CNTN1: variants seen among roughly 807,000 people sequenced by gnomAD.
CNTN1 encodes contactin 1, also known as contactin-1.
In CNTN1, 38 loss-of-function variants were observed where a neutral mutation model predicts 126.4. That is an observed-to-expected ratio of 0.30 (90% CI 0.23 to 0.39). CNTN1 has a LOEUF of 0.39. Among genes scored for constraint, CNTN1 ranks in the 10% least tolerant of loss-of-function variants. CNTN1 has a pLI of 1.00. For missense variants in CNTN1, 1,009 were observed against 1,248.4 expected (o/e 0.81, Z 2.89); for synonymous variants, 413 against 422.6 (o/e 0.98, Z 0.28).
chr12:41,030,916 C>T (rs1201334744), intron 23 of CNTN1, among the ~76,000 whole-genome samples: 2 of 152,124 alleles, frequency 1.3e-5, no homozygotes, highest in Non-Finnish European at 2.9e-5. Context: ...AATAGTTTTA[C>T]ACTTAGTGGG....
chr12:40,931,474 A>C (rs1367662688), intron 7 of CNTN1, among the ~76,000 whole-genome samples: 2 of 151,976 alleles, frequency 1.3e-5, no homozygotes, highest in African/African-American at 4.8e-5. Context: ...CTTCAAGTTC[A>C]CATCTCCGAA....
intron 23 of CNTN1, among the ~76,000 whole-genome samples, chr12:41,068,853 T>C (rs1211344826): frequency 6.6e-6 from 1 of 152,162 alleles, no homozygotes; most frequent in Non-Finnish European, 1.5e-5. Flanking sequence ...CAGCCAGGCA[T>C]GGTGGCTTAT....
At chr12:40,833,756 C>A (rs1238791727) in intron 1 of CNTN1, among the ~76,000 whole-genome samples, 2 of 152,192 alleles carry the variant, frequency 1.3e-5, no homozygotes, top group Admixed American at 1.3e-4. Flanking sequence ...TGTCAAGATA[C>A]ATAAGTCTAA....
chr12:40,948,314 C>A (rs1946517055), intron 14 of CNTN1, among the ~76,000 whole-genome samples: 1 of 82,818 alleles, frequency 1.2e-5, no homozygotes, highest in African/African-American at 4.8e-5. Flanking sequence ...CAATTTAATA[C>A]TTGCACTGCT....
Position 40,965,998 on chromosome 12 carries a change from CCACACACACA to C in CNTN1, c.1804+6796_1804+6805del, listed in dbSNP as rs57532764. 3.1e-3 allele frequency among the ~76,000 whole-genome samples: 426 copies of C among 136,284 alleles called. 2 individuals are homozygous for C. The highest frequency in any genetic ancestry group is 9.0e-3 in the African/African-American group (315 of 34,814). 89.4% of individuals were successfully genotyped at this position (136,284 alleles called of 152,430 possible). On this transcript the variant is annotated intron_variant, in intron 15 of 23. Coordinates refer to ENST00000551295, the MANE Select transcript of CNTN1 (RefSeq NM_001843.4). ...GTGTAAGTATACACACCTCATCACACCACACACACACACACACACACACACACACACACAC... is the reference window on the plus strand; with the variant it reads ...GTGTAAGTATACACACCTCATCACACCACACACACACACACACACACACAC...
At chr12:40,919,627 T>C (rs1281237999) in intron 4 of CNTN1, among the ~76,000 whole-genome samples, 4 of 152,138 alleles carry the variant, frequency 2.6e-5, no homozygotes. Context: ...CTTTCTATTA[T>C]TATAAAAAGT....
At position 40,915,245 on chromosome 12, in the gene CNTN1, G is replaced by A. The variant is rs983311701; in HGVS notation, c.95-3394G>A. Reference sequence around the variant, plus strand: ...GAATTTGTCTTTATTGTATTTGAAGGCGCCAAGCAGTACTTTCAGTAATCA... The same window carrying A: ...GAATTTGTCTTTATTGTATTTGAAGACGCCAAGCAGTACTTTCAGTAATCA... On this transcript the variant is annotated intron_variant, in intron 3 of 23. Coordinates refer to ENST00000551295, the MANE Select transcript of CNTN1 (RefSeq NM_001843.4). 5.3e-5 allele frequency among the ~76,000 whole-genome samples: 8 copies of A among 152,068 alleles called. No homozygotes were observed. The East Asian group carries it at 1.5e-3, about 29-fold the overall frequency.
At chr12:40,961,131 T>C (rs540441471) in intron 15 of CNTN1, among the ~76,000 whole-genome samples, 3 of 152,006 alleles carry the variant, frequency 2.0e-5, no homozygotes, top group Admixed American at 6.6e-5. Flanking sequence ...GCCAATATTA[T>C]GTAGAAATAA....
At chr12:40,863,945 T>TCCCC (rs1943205330) in intron 1 of CNTN1, among the ~76,000 whole-genome samples, 4 of 84,016 alleles carry the variant, frequency 4.8e-5, no homozygotes, top group African/African-American at 1.4e-4. Flanking sequence ...CCTCCCTCCC[T>TCCCC]CCCTCCCTCT....
At chr12:41,009,522 T>C (rs1247818977) in intron 17 of CNTN1, among the ~76,000 whole-genome samples, 6 of 152,164 alleles carry the variant, frequency 3.9e-5, no homozygotes. Flanking sequence ...CCAAGGTCAT[T>C]TCCTTCCTTT....
rs114818323 is a variant in CNTN1, at chr12:40,734,663, C to T, written c.-77+42071C>T. ...ATGCAAATAATGACTTAATCTGTTACCCGGAATTTCGTAGATGACAAATAA... is the reference window on the plus strand; with the variant it reads ...ATGCAAATAATGACTTAATCTGTTATCCGGAATTTCGTAGATGACAAATAA... On this transcript the variant is annotated intron_variant, in intron 1 of 23. Coordinates refer to ENST00000551295, the MANE Select transcript of CNTN1 (RefSeq NM_001843.4). Among the ~76,000 whole-genome samples the T allele has an allele frequency of 5.9e-3, 894 of 152,140 alleles. 14 individuals are homozygous for T. Among genetic ancestry groups the T allele is most frequent in the African/African-American group, 0.019 (805 of 41,528 alleles).
At chr12:41,031,933 A>G (rs1949152998) in intron 23 of CNTN1, among the ~76,000 whole-genome samples, 1 of 152,158 alleles carries the variant, frequency 6.6e-6, no homozygotes, top group African/African-American at 2.4e-5. Context: ...TCTAAATTTA[A>G]AAGACTCTTA....
intron 1 of CNTN1, among the ~76,000 whole-genome samples, chr12:40,706,639 A>G (rs1941748403): frequency 1.3e-5 from 2 of 152,000 alleles, no homozygotes; most frequent in African/African-American, 4.8e-5. Flanking sequence ...AAACAAAGAG[A>G]ATATTTTAGA....
chr12:41,068,921 T>C (rs974952793), intron 23 of CNTN1, among the ~76,000 whole-genome samples: 1 of 152,016 alleles, frequency 6.6e-6, no homozygotes, highest in Non-Finnish European at 1.5e-5. Context: ...GGCCCAGGAG[T>C]TTGAGGCTGC....
chr12:40,967,018 T>C (rs951341237), intron 15 of CNTN1, among the ~76,000 whole-genome samples: 5 of 151,958 alleles, frequency 3.3e-5, no homozygotes, highest in Admixed American at 2.6e-4. Context: ...TTGCTGCACA[T>C]TTAGTGTGTA....
intron 20 of CNTN1, among the ~76,000 whole-genome samples, chr12:41,021,185 GA>G (rs2120785088): frequency 6.6e-6 from 1 of 152,336 alleles, no homozygotes; most frequent in African/African-American, 2.4e-5. Context: ...GGATACCAAA[GA>G]GATTTGACAA....
intron 1 of CNTN1, among the ~76,000 whole-genome samples, chr12:40,707,227 CTT>C (rs370984371): frequency 7.3e-5 from 8 of 109,172 alleles, no homozygotes; most frequent in East Asian, 2.7e-4. Flanking sequence ...TTTTCTTTTT[CTT>C]TTTTTTTTTT....
At chr12:40,719,520 G>A (rs1161225721) in intron 1 of CNTN1, among the ~76,000 whole-genome samples, 1 of 152,168 alleles carries the variant, frequency 6.6e-6, no homozygotes, top group African/African-American at 2.4e-5. Flanking sequence ...AAGAAAAGAA[G>A]CAGTAGCTTT....
chr12:40,938,835 G>A (rs563598359), intron 11 of CNTN1, among the ~76,000 whole-genome samples: 9 of 152,202 alleles, frequency 5.9e-5, no homozygotes, highest in Middle Eastern at 3.4e-3. Flanking sequence ...AGTGCAGTGA[G>A]GCGATCACGC....
Sources: allele counts gnomAD v4.1 joint callset (sites outside exome capture counted in the v4.1 genomes callset), GRCh38; gene constraint gnomAD v4.1.1; transcripts MANE v1.5; gene names NCBI Gene and HGNC (gene_info 2026-07-23, HGNC 2026-07-21).